The following FAM184A variants were observed in gnomAD, a reference collection of about 807,000 sequenced individuals.
The protein encoded by FAM184A is family with sequence similarity 184 member A.
In FAM184A, 99 loss-of-function variants were observed where a neutral mutation model predicts 143.8. That is an observed-to-expected ratio of 0.69 (90% CI 0.58 to 0.81). FAM184A has a LOEUF of 0.81. FAM184A is among the 40% of genes least tolerant of loss of function. The pLI is 0.00. For synonymous variants in FAM184A, 427 were observed against 446.4 expected, an observed-to-expected ratio of 0.96 and a Z score of 0.55; for missense variants, 1,217 against 1,310.5, an observed-to-expected ratio of 0.93 and a Z score of 1.10.
chr6:119,141,909 T>A (rs556844187), intron 1 of FAM184A, among the ~76,000 whole-genome samples: 1 of 152,256 alleles, frequency 6.6e-6, no homozygotes, highest in African/African-American at 2.4e-5. Flanking sequence ...AAAAATACTT[T>A]ATTATTTTCT....
In FAM184A at chr6:119,046,092, T is replaced by C. The variant is rs114241739; in HGVS notation, c.160-21279A>G. On this transcript the variant is annotated intron_variant, in intron 1 of 17. Coordinates refer to ENST00000338891, the MANE Select transcript of FAM184A (RefSeq NM_024581.6). Reference sequence around the variant, plus strand: ...TATTACAACTGTTATCTTTTTTCCATATCTCACCTTGTAACAGAACCTAAT... The same window carrying C: ...TATTACAACTGTTATCTTTTTTCCACATCTCACCTTGTAACAGAACCTAAT... Among the ~76,000 whole-genome samples, 215 of 152,312 alleles carry C rather than the reference T, an allele frequency of 1.4e-3. 1 individual carries two copies. Among genetic ancestry groups the C allele is most frequent in the South Asian group, 9.5e-3 (46 of 4,832 alleles).
chr6:119,034,341 T>C (rs1786026731), intron 1 of FAM184A, among the ~76,000 whole-genome samples: 1 of 151,742 alleles, frequency 6.6e-6, no homozygotes, highest in African/African-American at 2.4e-5. Flanking sequence ...TCAGAACCCA[T>C]CACTAAATAT....
intron 1 of FAM184A, among the ~76,000 whole-genome samples, chr6:119,052,172 C>T (rs924851788): frequency 6.6e-6 from 1 of 152,234 alleles, no homozygotes; most frequent in African/African-American, 2.4e-5. Context: ...AATTCAAAGA[C>T]TGAAAATAAT....
intron 1 of FAM184A, among the ~76,000 whole-genome samples, chr6:119,147,764 T>A (rs1051557878): frequency 6.6e-6 from 1 of 152,192 alleles, no homozygotes; most frequent in Non-Finnish European, 1.5e-5. Flanking sequence ...TTTGTCACCA[T>A]TTTAAATTTA....
At chr6:119,005,482 AAAT>A (rs1784891136) in intron 7 of FAM184A, 3 of 152,208 alleles carry the variant, frequency 2.0e-5, no homozygotes, top group African/African-American at 7.2e-5. Context: ...AGAAAATCTG[AAAT>A]AATATTAGTA....
intron 1 of FAM184A, among the ~76,000 whole-genome samples, chr6:119,069,961 G>A (rs898456301): frequency 2.0e-5 from 3 of 151,670 alleles, no homozygotes; most frequent in African/African-American, 7.3e-5. Context: ...TCAAACTTTG[G>A]TATAGAGATG....
At chr6:119,135,160 C>T (rs9489599) in intron 1 of FAM184A, among the ~76,000 whole-genome samples, 3,362 of 152,122 alleles carry the variant, frequency 0.022, 121 homozygotes, top group African/African-American at 0.075. Flanking sequence ...TAATGCAAAA[C>T]GAATGAACTA....
intron 17 of FAM184A, chr6:118,960,695 T>G: frequency 1.5e-6 from 1 of 663,724 alleles, no homozygotes; most frequent in East Asian, 6.6e-5. Context: ...GTTATTGATG[T>G]TATATAGTTT....
chr6:119,041,734 T>A (rs1786341650), intron 1 of FAM184A, among the ~76,000 whole-genome samples: 1 of 152,134 alleles, frequency 6.6e-6, no homozygotes, highest in Non-Finnish European at 1.5e-5. Context: ...GGGTGTCCAC[T>A]GTGCTCCTGA....
intron 1 of FAM184A, among the ~76,000 whole-genome samples, chr6:119,108,183 A>G (rs976047945): frequency 1.4e-5 from 2 of 139,574 alleles, no homozygotes; most frequent in Non-Finnish European, 3.1e-5. Flanking sequence ...TTGCCATGAC[A>G]TTCATTTTCT....
chr6:118,996,676 C>T (rs2114624926), intron 9 of FAM184A, among the ~76,000 whole-genome samples: 1 of 152,180 alleles, frequency 6.6e-6, no homozygotes, highest in African/African-American at 2.4e-5. Context: ...GCTGTCACTG[C>T]TTAGGGAACC....
At chr6:119,140,077 G>A (rs1772165649) in intron 1 of FAM184A, among the ~76,000 whole-genome samples, 1 of 152,170 alleles carries the variant, frequency 6.6e-6, no homozygotes, top group Non-Finnish European at 1.5e-5. Flanking sequence ...AAATGTGTGG[G>A]TCTTCATCTG....
chr6:119,009,968 G>A (rs1272303762), intron 6 of FAM184A, among the ~76,000 whole-genome samples: 1 of 152,078 alleles, frequency 6.6e-6, no homozygotes, highest in Non-Finnish European at 1.5e-5. Context: ...CTCCTAGAAG[G>A]ACCCTAAATG....
chr6:119,023,199 T>C, intron 2 of FAM184A, 119 bp from the exon 3 acceptor site: 1 of 1,012,342 alleles, frequency 9.9e-7, no homozygotes, highest in Non-Finnish European at 1.4e-6. Flanking sequence ...TATATACCAA[T>C]TTTTAAATCT....
At chr6:119,073,377 A>G (rs1174325304) in intron 1 of FAM184A, among the ~76,000 whole-genome samples, 2 of 152,250 alleles carry the variant, frequency 1.3e-5, no homozygotes. Flanking sequence ...AATCAACTAA[A>G]GAGGGATTTG....
intron 1 of FAM184A, among the ~76,000 whole-genome samples, chr6:119,037,831 T>C (rs959813000): frequency 3.3e-5 from 5 of 152,188 alleles, no homozygotes; most frequent in Admixed American, 3.3e-4. Context: ...ACTACCTTTT[T>C]CTCTTCTTGA....
intron 1 of FAM184A, among the ~76,000 whole-genome samples, chr6:119,033,147 C>G (rs1269647959): frequency 6.6e-6 from 1 of 152,160 alleles, no homozygotes. Context: ...TCTTATGTTT[C>G]TATAAAATGG....
intron 5 of FAM184A, among the ~76,000 whole-genome samples, chr6:119,013,324 A>G (rs1013067312): frequency 2.6e-5 from 4 of 152,254 alleles, no homozygotes; most frequent in African/African-American, 9.6e-5. Flanking sequence ...TTGATGAAAG[A>G]TGCCTCAATT....
At chr6:119,019,564 A>T (rs1408705385) in intron 4 of FAM184A, among the ~76,000 whole-genome samples, 6 of 152,224 alleles carry the variant, frequency 3.9e-5, no homozygotes, top group Admixed American at 3.9e-4. Context: ...TTAAACTAGA[A>T]ATTCAATTAT....
Sources: allele counts gnomAD v4.1 joint callset (sites outside exome capture counted in the v4.1 genomes callset), GRCh38; gene constraint gnomAD v4.1.1; transcripts MANE v1.5; gene names NCBI Gene and HGNC (gene_info 2026-07-23, HGNC 2026-07-21).